TTLL6: variants seen among roughly 807,000 people sequenced by gnomAD.
TTLL6 encodes tubulin polyglutamylase TTLL6.
Under a neutral mutation model 96.4 loss-of-function variants are expected in TTLL6, and 75 were observed. That is an observed-to-expected ratio of 0.78 (90% CI 0.65 to 0.94). The LOEUF is 0.94. Among genes scored for constraint, TTLL6 ranks in the 40% least tolerant of loss-of-function variants. TTLL6 has a pLI of 0.00. For missense variants in TTLL6, 1,030 were observed against 1,093.0 expected (o/e 0.94, Z 0.81); for synonymous variants, 411 against 419.4 (o/e 0.98, Z 0.24).
intron 15 of TTLL6, among the ~76,000 whole-genome samples, 167 bp from the exon 16 acceptor site, chr17:48,763,140 C>G (rs560451449): frequency 6.7e-6 from 1 of 150,206 alleles, no homozygotes; most frequent in East Asian, 1.9e-4. Flanking sequence ...CATTCATCTT[C>G]CTGTAGCCTT....
At chr17:48,765,257 T>G (rs914175630) in intron 15 of TTLL6, among the ~76,000 whole-genome samples, 2 of 152,006 alleles carry the variant, frequency 1.3e-5, no homozygotes, top group African/African-American at 2.4e-5. Context: ...AAAAATACTT[T>G]TTAAATTAGC....
intron 15 of TTLL6, among the ~76,000 whole-genome samples, chr17:48,768,281 A>T (rs574669998): frequency 1.8e-4 from 26 of 147,916 alleles, no homozygotes; most frequent in African/African-American, 4.2e-4. Context: ...TATTATTATT[A>T]TTTTTTTGAG....
intron 13 of TTLL6, among the ~76,000 whole-genome samples, chr17:48,770,959 A>C (rs1002563816): frequency 1.3e-5 from 2 of 152,048 alleles, no homozygotes; most frequent in African/African-American, 4.8e-5. Flanking sequence ...CCAAACAAAC[A>C]AACAAAAACT....
chr17:48,789,038 T>C (rs945374121), intron 10 of TTLL6, among the ~76,000 whole-genome samples: 4 of 151,572 alleles, frequency 2.6e-5, no homozygotes, highest in Non-Finnish European at 5.9e-5. Context: ...AGGCAAGTGC[T>C]GCCCAACAGG....
chr17:48,780,865 A>G (rs2038971860), intron 13 of TTLL6, among the ~76,000 whole-genome samples: 1 of 152,156 alleles, frequency 6.6e-6, no homozygotes, highest in Non-Finnish European at 1.5e-5. Flanking sequence ...ATATGTATAT[A>G]CCACATTTTC....
intron 13 of TTLL6, among the ~76,000 whole-genome samples, chr17:48,774,502 T>C (rs1366245994): frequency 1.3e-5 from 2 of 151,752 alleles, no homozygotes; most frequent in Admixed American, 1.3e-4. Context: ...ATAAAATTGA[T>C]AACTCCAGCA....
At chr17:48,789,150 A>G (rs1212940627) in intron 10 of TTLL6, among the ~76,000 whole-genome samples, 1 of 151,984 alleles carries the variant, frequency 6.6e-6, no homozygotes, top group Non-Finnish European at 1.5e-5. Flanking sequence ...TTGTTTTTAT[A>G]CTGGTAATTC....
intron 1 of TTLL6, chr17:48,812,070 C>CCG (rs1555569806): frequency 2.1e-5 from 2 of 94,906 alleles, no homozygotes; most frequent in Admixed American, 1.2e-4. Context: ...TGGGACCCCC[C>CCG]CCCCCACCCC....
intron 13 of TTLL6, among the ~76,000 whole-genome samples, chr17:48,778,675 T>TA (rs2038928173): frequency 6.6e-6 from 1 of 151,066 alleles, no homozygotes; most frequent in Non-Finnish European, 1.5e-5. Flanking sequence ...CTCACACCTA[T>TA]AATCCTAGCA....
At chr17:48,781,678 A>G (rs2038988410) in intron 13 of TTLL6, among the ~76,000 whole-genome samples, 1 of 152,136 alleles carries the variant, frequency 6.6e-6, no homozygotes, top group Non-Finnish European at 1.5e-5. Flanking sequence ...GGAATTCTTC[A>G]TATATGCTGG....
At chr17:48,801,406 C>T in intron 4 of TTLL6, 21 bp from the exon 5 acceptor site, 1 of 1,551,602 alleles carries the variant, frequency 6.4e-7, no homozygotes, top group Non-Finnish European at 8.7e-7. Flanking sequence ...AGCCGGAATT[C>T]ATGAGCAATC....
At chr17:48,798,264 T>C (rs771077878) in intron 6 of TTLL6, among the ~76,000 whole-genome samples, 10 of 151,078 alleles carry the variant, frequency 6.6e-5, no homozygotes, top group Non-Finnish European at 1.0e-4. Context: ...TACAAAGAAA[T>C]TTTTTTTTAA....
rs770594822 is a variant in TTLL6, at chr17:48,786,259, C to T, written c.1666G>A (p.Glu556Lys). The T allele has an allele frequency of 1.2e-6, 2 of 1,614,218 alleles. 1 individual carries two copies. The highest frequency in any genetic ancestry group is 2.2e-5 in the South Asian group (2 of 91,080). ...TTTCTCACTTGCTCGCCTGCCGATT[C>T]CCCCTGCATCTCTACCTTCTTCTTC... is the stretch of plus-strand genomic sequence containing the variant. Reference protein sequence around the residue: ...QMKKKVEMQGESAGEQVRKKG... With the variant: ...QMKKKVEMQGKSAGEQVRKKG... Residue 556 changes from glutamate (E) to lysine (K), a missense_variant, in exon 12 of 16, where the codon GAA becomes AAA. Glu to Lys is a moderately conservative substitution (Grantham distance 56, BLOSUM62 1). Transcript: ENST00000393382.
intron 13 of TTLL6, among the ~76,000 whole-genome samples, chr17:48,773,236 T>C (rs1010698917): frequency 6.6e-6 from 1 of 152,142 alleles, no homozygotes; most frequent in African/African-American, 2.4e-5. Flanking sequence ...ATACATGTTA[T>C]TGAAGGGTCC....
At chr17:48,785,334 T>G in intron 12 of TTLL6, 133 bp from the exon 13 acceptor site, 2 of 1,324,854 alleles carry the variant, frequency 1.5e-6, no homozygotes, top group Non-Finnish European at 2.0e-6. Flanking sequence ...GTCTCTCTAA[T>G]GTGGGGCTCT....
intron 13 of TTLL6, among the ~76,000 whole-genome samples, chr17:48,780,611 C>T (rs1162255238): frequency 1.3e-5 from 2 of 152,172 alleles, no homozygotes; most frequent in Non-Finnish European, 2.9e-5. Flanking sequence ...AGAACTTTTG[C>T]ACCTTGTGAA....
At chr17:48,791,672 GA>G in intron 8 of TTLL6, 69 bp from the exon 9 acceptor site, 7 of 1,311,468 alleles carry the variant, frequency 5.3e-6, no homozygotes, top group Non-Finnish European at 7.4e-6. Context: ...TGGCATGCTG[GA>G]AACCAGAAAC....
At chr17:48,786,577 G>C (rs912774976) in intron 11 of TTLL6, among the ~76,000 whole-genome samples, 6 of 152,208 alleles carry the variant, frequency 3.9e-5, no homozygotes, top group African/African-American at 1.4e-4. Flanking sequence ...GTGCAGTAAG[G>C]GGGCTATTCC....
chr17:48,790,753 C>T (rs770473357), intron 9 of TTLL6, among the ~76,000 whole-genome samples: 23 of 152,164 alleles, frequency 1.5e-4, no homozygotes, highest in Non-Finnish European at 2.8e-4. Context: ...GGGTTCTCCA[C>T]CCCAGAGTCT....
Sources: gnomAD v4.1 joint callset for allele counts (sites outside exome capture counted in the v4.1 genomes callset) on GRCh38, gnomAD v4.1.1 for gene constraint, MANE v1.5 for transcripts, NCBI Gene and HGNC (gene_info 2026-07-23, HGNC 2026-07-21) for gene names.